The following FOXN2 variants were observed in gnomAD, a reference collection of about 807,000 sequenced individuals.
FOXN2 encodes forkhead box N2.
FOXN2 carries 19 observed loss-of-function variants against 41.2 expected under a neutral mutation model. That is an observed-to-expected ratio of 0.46 (90% confidence interval 0.32 to 0.68). The LOEUF (loss-of-function observed/expected upper bound fraction) is 0.68, where lower values mean the gene tolerates loss of function less well. Ranked by LOEUF, FOXN2 falls within the 30% of genes least tolerant of loss-of-function variation. FOXN2 has a pLI of 0.03. For synonymous variants in FOXN2, 195 were observed against 176.8 expected (o/e 1.10, Z -0.82); for missense variants, 587 against 509.4 (o/e 1.15, Z -1.47).
At chr2:48,336,947 G>A (rs568949579) in intron 2 of FOXN2, among the ~76,000 whole-genome samples, 1 of 152,016 alleles carries the variant, frequency 6.6e-6, no homozygotes, top group South Asian at 2.1e-4. Flanking sequence ...TTTATCCTTT[G>A]AGTTACAGAT....
At chr2:48,337,318 G>A (rs546881977) in intron 2 of FOXN2, among the ~76,000 whole-genome samples, 197 of 148,888 alleles carry the variant, frequency 1.3e-3, no homozygotes, top group African/African-American at 4.7e-3. Flanking sequence ...AAAGTGAGAC[G>A]GAGTTGTCTC....
chr2:48,356,398 G>A (rs564984539), intron 3 of FOXN2, among the ~76,000 whole-genome samples: 1 of 151,886 alleles, frequency 6.6e-6, no homozygotes, highest in Non-Finnish European at 1.5e-5. Flanking sequence ...CCGAGATCGC[G>A]CCACTGCACT....
chr2:48,357,436 C>G (rs11690748), intron 3 of FOXN2, among the ~76,000 whole-genome samples: 45,748 of 151,700 alleles, frequency 0.3, 7,469 homozygotes, highest in East Asian at 0.46. Flanking sequence ...TGCTGCGTAT[C>G]TTTTCTATAT....
chr2:48,364,054 G>A (rs904298539), intron 5 of FOXN2, among the ~76,000 whole-genome samples: 1 of 152,008 alleles, frequency 6.6e-6, no homozygotes, highest in Admixed American at 6.5e-5. Context: ...GCACATGACT[G>A]TATTTTAATT....
At chr2:48,319,111 C>G (rs772347311) in intron 1 of FOXN2, among the ~76,000 whole-genome samples, 14 of 150,198 alleles carry the variant, frequency 9.3e-5, no homozygotes, top group Non-Finnish European at 1.9e-4. Flanking sequence ...TGCCTTCTTG[C>G]TAGTGTTTTT....
rs149067874 is a variant in FOXN2 at position 48,331,398 on chromosome 2, T to C, written c.-15+2696T>C. Among the ~76,000 whole-genome samples, 721 of 152,304 alleles carry C rather than the reference T, an allele frequency of 4.7e-3. 2 individuals carry two copies. Among genetic ancestry groups the C allele is most frequent in the South Asian group, 0.01 (50 of 4,830 alleles). On this transcript the variant is annotated intron_variant, in intron 2 of 6. Coordinates refer to ENST00000340553, the MANE Select transcript of FOXN2 (RefSeq NM_002158.4). Reference sequence around the variant, plus strand: ...AATTGAAAATGTAGCATGAAGAGATTCAATAATAAAACTTTAAAAGCACTT... The same window carrying C: ...AATTGAAAATGTAGCATGAAGAGATCCAATAATAAAACTTTAAAAGCACTT...
Position 48,375,673 on chromosome 2 carries a change from TG to T in FOXN2, c.*231del, listed in dbSNP as rs1448094494. The T allele has an allele frequency of 2.5e-6, 1 of 392,408 alleles. No homozygotes were observed. Among genetic ancestry groups the T allele is most frequent in the Non-Finnish European group, 4.5e-6 (1 of 219,868 alleles). 24.3% of individuals were successfully genotyped at this position (392,408 alleles called of 1,614,324 possible). ...CTAAAAGCATAATTTTTGTGATAAA[TG>T]TGTCCAAGATTTGAAAATTTTTATA... On this transcript the variant is annotated 3_prime_UTR_variant, in exon 7 of 7. Transcript: ENST00000340553.
intron 1 of FOXN2, among the ~76,000 whole-genome samples, chr2:48,326,250 G>T (rs1460725143): frequency 2.0e-5 from 3 of 152,180 alleles, no homozygotes; most frequent in Non-Finnish European, 2.9e-5. Context: ...ACTAGGATTT[G>T]TATAGGCTTT....
At chr2:48,329,330 A>T (rs1198559891) in intron 2 of FOXN2, among the ~76,000 whole-genome samples, 1 of 152,222 alleles carries the variant, frequency 6.6e-6, no homozygotes, top group Non-Finnish European at 1.5e-5. Flanking sequence ...GGAGAAAAGT[A>T]AATTCAGTGG....
chr2:48,358,831 A>G (rs1240460054), intron 3 of FOXN2, among the ~76,000 whole-genome samples: 2 of 152,150 alleles, frequency 1.3e-5, no homozygotes, highest in Non-Finnish European at 1.5e-5. Context: ...ATAACATTTG[A>G]ACCTCACTAA....
intron 1 of FOXN2, among the ~76,000 whole-genome samples, chr2:48,325,771 C>T (rs965734028): frequency 4.0e-5 from 6 of 150,590 alleles, no homozygotes; most frequent in Admixed American, 2.0e-4. Flanking sequence ...TCAAAAGGTT[C>T]GAGTACTATG....
At chr2:48,332,913 C>A (rs28570232) in intron 2 of FOXN2, among the ~76,000 whole-genome samples, 18,382 of 152,158 alleles carry the variant, frequency 0.12, 1,311 homozygotes, top group African/African-American at 0.2. Flanking sequence ...AATATTTCTT[C>A]ACAGCTCATG....
intron 3 of FOXN2, among the ~76,000 whole-genome samples, chr2:48,354,095 G>A (rs1030249808): frequency 2.0e-5 from 3 of 152,300 alleles, no homozygotes; most frequent in African/African-American, 7.2e-5. Flanking sequence ...TAGAGGTGAT[G>A]TGGTGAGATT....
rs375988801 is a variant in FOXN2, at chr2:48,367,101, G to T, written c.703+4394G>T. 3.9e-5 allele frequency among the ~76,000 whole-genome samples: 6 copies of T among 152,250 alleles called. No homozygotes were observed. In the East Asian group the frequency reaches 7.7e-4, roughly 20 times the overall value. ...TGCAGCAGTGTGTTTGTTGTCTCTTGATCAACTTACAATGACTTTTATGTG... is the reference window on the plus strand; with the variant it reads ...TGCAGCAGTGTGTTTGTTGTCTCTTTATCAACTTACAATGACTTTTATGTG... On this transcript the variant is annotated intron_variant, in intron 5 of 6. Transcript: ENST00000340553.
At chr2:48,338,448 C>T (rs1670510863) in intron 2 of FOXN2, among the ~76,000 whole-genome samples, 1 of 151,576 alleles carries the variant, frequency 6.6e-6, no homozygotes, top group Non-Finnish European at 1.5e-5. Context: ...GTCGCCCAGG[C>T]TGGAGTGCAG....
At chr2:48,338,161 TC>T (rs962899240) in intron 2 of FOXN2, among the ~76,000 whole-genome samples, 4 of 152,168 alleles carry the variant, frequency 2.6e-5, no homozygotes, top group African/African-American at 9.7e-5. Flanking sequence ...CAAAAAAACT[TC>T]CTTTATCACA....
chr2:48,336,418 A>AAAT (rs535900555), intron 2 of FOXN2, among the ~76,000 whole-genome samples: 99 of 147,448 alleles, frequency 6.7e-4, no homozygotes, highest in African/African-American at 1.8e-3. Context: ...CAAAAAAAAA[A>AAAT]ATATATATAT....
At chr2:48,351,944 G>C (rs529091919) in intron 3 of FOXN2, among the ~76,000 whole-genome samples, 21 of 152,320 alleles carry the variant, frequency 1.4e-4, no homozygotes, top group African/African-American at 5.1e-4. Flanking sequence ...CTGGGAGTTT[G>C]GGGCAGTAGG....
chr2:48,315,264 G>A (rs1337721079), intron 1 of FOXN2, among the ~76,000 whole-genome samples: 2 of 152,136 alleles, frequency 1.3e-5, no homozygotes, highest in Non-Finnish European at 2.9e-5. Context: ...CCCCTCCTCT[G>A]GCTTGAAGTG....
Sources: allele counts gnomAD v4.1 joint callset (sites outside exome capture counted in the v4.1 genomes callset), GRCh38; gene constraint gnomAD v4.1.1; transcripts MANE v1.5; gene names NCBI Gene and HGNC (gene_info 2026-07-23, HGNC 2026-07-21).